The following REM2 variants were observed in gnomAD, a reference collection of about 807,000 sequenced individuals.
The protein encoded by REM2 is RRAD and GEM like GTPase 2, also known as GTP-binding protein REM 2.
A neutral mutation model predicts 24.4 loss-of-function variants in REM2; 24 were observed. That is an observed-to-expected ratio of 0.98 (90% CI 0.71 to 1.38). The LOEUF (loss-of-function observed/expected upper bound fraction) is 1.38, where lower values mean the gene tolerates loss of function less well. Ranked by LOEUF, REM2 falls within the 40% of genes most tolerant of loss-of-function variation. The pLI is 0.00. For synonymous variants in REM2, 187 were observed against 198.0 expected (o/e 0.94, Z 0.47); for missense variants, 429 against 467.8 (o/e 0.92, Z 0.77).
rs150780091 is a variant in REM2 at position 22,885,373 on chromosome 14, G to A, written c.519+34G>A. The A allele has an allele frequency of 8.7e-3, 13,418 of 1,549,108 alleles. 76 individuals are homozygous for A. The highest frequency in any genetic ancestry group is 0.021 in the Middle Eastern group (120 of 5,804). The stretch of plus-strand genomic sequence containing the variant: ...TAAGATGTGGCTGCAGGCAGGTGAT[G>A]AAGCTGGGAGAACTGGGGAAGGGCA... On this transcript the variant is annotated intron_variant, in intron 3 of 4. Coordinates refer to ENST00000267396, the MANE Select transcript of REM2 (RefSeq NM_173527.3).
In REM2 at chr14:22,887,039, C is replaced by A; in HGVS notation, c.*130C>A. 1.2e-6 allele frequency: 1 copy of A among 854,000 alleles called. No individual in the cohort carries two copies. Among genetic ancestry groups the A allele is most frequent in the Non-Finnish European group, 1.7e-6 (1 of 604,182 alleles). The allele number at this position is 854,000 out of a possible 1,614,324, so 52.9% of individuals were successfully genotyped here. ...TAGGAAACCAAAAACTCCCAGGATG[C>A]CCCGGTGTGACCGCCGGGGGCGGCC... On this transcript the variant is annotated 3_prime_UTR_variant, in exon 5 of 5. Transcript: ENST00000267396.
chr14:22,887,009 C>T lies in REM2; in HGVS notation c.*100C>T. 1 of 1,155,056 alleles carries T rather than the reference C, an allele frequency of 8.7e-7. No homozygotes were observed. The highest frequency in any genetic ancestry group is 2.0e-5 in the South Asian group (1 of 49,916). The allele number at this position is 1,155,056 out of a possible 1,614,324, so 71.6% of individuals were successfully genotyped here. A position where few individuals can be genotyped will look rare whatever the true frequency, so the allele number is the denominator to read the frequency against. On this transcript the variant is annotated 3_prime_UTR_variant, in exon 5 of 5. Transcript: ENST00000267396. ...CCCCGTCCGGCTTCCTTGGTGGAGG[C>T]CGTCTAGGAAACCAAAAACTCCCAG...
At position 22,887,088 on chromosome 14, in the gene REM2, A is replaced by C. The variant is rs1317407896; in HGVS notation, c.*179A>C. ...CCCGGGGCCGCTCGGCGGCACCTCC[A>C]CACCCGCCCCAACGCGTTCTCTGGA... is the stretch of plus-strand genomic sequence containing the variant. On this transcript the variant is annotated 3_prime_UTR_variant, in exon 5 of 5. Transcript: ENST00000267396. 6.4e-6 allele frequency: 3 copies of C among 468,522 alleles called. No individual in the cohort carries two copies. Among genetic ancestry groups the C allele is most frequent in the Non-Finnish European group, 7.3e-6 (2 of 274,454 alleles). 29.0% of individuals were successfully genotyped at this position (468,522 alleles called of 1,614,324 possible).
In REM2 at chr14:22,884,742, T is replaced by C; in HGVS notation, c.172T>C (p.Ser58Pro). Residue 58 changes from serine (S) to proline (P), a missense_variant, in exon 2 of 5, where the codon TCT (serine) becomes CCT (proline). Ser to Pro is a moderately conservative substitution (Grantham distance 74, BLOSUM62 -1). Coordinates refer to ENST00000267396, the MANE Select transcript of REM2 (RefSeq NM_173527.3). ...LAELDRSGLP[S>P]APGAPRRRGS... ...AGAGTTGGACCGGAGCGGGTTACCC[T>C]CTGCCCCTGGGGCCCCCAGACGAAG... is the stretch of plus-strand genomic sequence containing the variant. 1.2e-6 allele frequency: 2 copies of C among 1,614,046 alleles called. No homozygotes were observed. The highest frequency in any genetic ancestry group is 1.7e-6 in the Non-Finnish European group (2 of 1,179,888).
At position 22,887,086 on chromosome 14, in the gene REM2, C is replaced by G. The variant is rs1041323610; in HGVS notation, c.*177C>G. 18 of 469,944 alleles carry G rather than the reference C, an allele frequency of 3.8e-5. No individual in the cohort carries two copies. Among genetic ancestry groups the G allele is most frequent in the Non-Finnish European group, 6.2e-5 (17 of 275,246 alleles). The allele number at this position is 469,944 out of a possible 1,614,324, so 29.1% of individuals were successfully genotyped here. A position where few individuals can be genotyped will look rare whatever the true frequency, so the allele number is the denominator to read the frequency against. ...GGCCCGGGGCCGCTCGGCGGCACCT[C>G]CACACCCGCCCCAACGCGTTCTCTG... On this transcript the variant is annotated 3_prime_UTR_variant, in exon 5 of 5. Coordinates refer to ENST00000267396, the MANE Select transcript of REM2 (RefSeq NM_173527.3).
intron 1 of REM2, chr14:22,884,089 C>A (rs1255866424): frequency 1.0e-6 from 1 of 985,268 alleles, no homozygotes; most frequent in African/African-American, 1.7e-5. Context: ...CACACACACA[C>A]AGAGAACCCA....
intron 3 of REM2, 25 bp downstream of exon 3, chr14:22,885,364 G>T (rs569437394): frequency 6.1e-5 from 96 of 1,583,636 alleles, no homozygotes; most frequent in Non-Finnish European, 7.7e-5. Context: ...GTGGCTGCAG[G>T]CAGGTGATGA....
At position 22,886,547 on chromosome 14, in the gene REM2, C is replaced by T; in HGVS notation, c.728-67C>T. 3 of 1,401,108 alleles carry T rather than the reference C, an allele frequency of 2.1e-6. No individual in the cohort carries two copies. The highest frequency in any genetic ancestry group is 2.8e-6 in the Non-Finnish European group (3 of 1,063,496). The allele number at this position is 1,401,108 out of a possible 1,614,324, so 86.8% of individuals were successfully genotyped here. ...CTTGCCACCGCACGCCCAGGCCCTC[C>T]CTAGACCCACCCTCGCCCCGGGTCC... On this transcript the variant is annotated intron_variant, in intron 4 of 4. Coordinates refer to ENST00000267396, the MANE Select transcript of REM2 (RefSeq NM_173527.3). This position sits in a 1 kb window ranked among gnomAD's most constrained non-coding sequence, Gnocchi z 5.9.
rs545724197 is a variant in REM2, at chr14:22,886,323, G to A, written c.727+92G>A. 81 of 1,188,618 alleles carry A rather than the reference G, an allele frequency of 6.8e-5. No individual in the cohort carries two copies. The South Asian group carries it at 8.4e-4, about 12-fold the overall frequency. The allele number at this position is 1,188,618 out of a possible 1,614,324, so 73.6% of individuals were successfully genotyped here. On this transcript the variant is annotated intron_variant, in intron 4 of 4. Transcript: ENST00000267396. The surrounding 1 kb of genome is among the most constrained non-coding windows in gnomAD (Gnocchi z 5.9). Reference sequence around the variant, plus strand: ...TTCTCCCTAAGGCCTTTTTACCATCGCGGACGCACTCACTTGCAATCAGAC... The same window carrying A: ...TTCTCCCTAAGGCCTTTTTACCATCACGGACGCACTCACTTGCAATCAGAC...
In REM2 at chr14:22,883,268, GCACACGCACAC is replaced by G. The variant is rs2138801709; in HGVS notation, c.-19_-9del. On this transcript the variant is annotated 5_prime_UTR_variant, in exon 1 of 5. Transcript: ENST00000267396. ...GAGCTGCTGGGCTGCACACGCACAC[GCACACGCACAC>G]GCACACTGATGCACACGGACCTGGA... 2 of 1,294,324 alleles carry G rather than the reference GCACACGCACAC, an allele frequency of 1.5e-6. No homozygotes were observed. The highest frequency in any genetic ancestry group is 2.2e-6 in the Non-Finnish European group (2 of 916,640). 80.2% of individuals were successfully genotyped at this position (1,294,324 alleles called of 1,614,324 possible).
intron 1 of REM2, chr14:22,884,168 T>A: frequency 1.0e-6 from 1 of 985,214 alleles, no homozygotes; most frequent in South Asian, 4.7e-5. Context: ...CACTACAAAG[T>A]TTTTTACTCT....
Position 22,886,185 on chromosome 14 carries a change from T to A in REM2, c.681T>A (p.Val227=), listed in dbSNP as rs775579996. Residue 227 remains valine (V), a synonymous_variant, in exon 4 of 5, where the codon GTT becomes GTA. Transcript: ENST00000267396. This position sits in a 1 kb window ranked among gnomAD's most constrained non-coding sequence, Gnocchi z 5.9. ...ACCACGACCTACCCGTTATCCTCGT[T>A]GGAAACAAGAGCGACTTGGCCCGCT... ...RPHHDLPVIL[V]GNKSDLARSR... is the part of the protein sequence containing the mutation. The A allele has an allele frequency of 1.9e-6, 3 of 1,613,940 alleles. No individual in the cohort carries two copies. The East Asian group carries it at 6.7e-5, about 36-fold the overall frequency.
intron 1 of REM2, chr14:22,884,190 T>A: frequency 1.0e-6 from 1 of 985,312 alleles, no homozygotes; most frequent in Non-Finnish European, 1.2e-6. Flanking sequence ...CTATACCTAC[T>A]CCCCAGACAC....
At chr14:22,884,177 C>T in intron 1 of REM2, 1 of 985,370 alleles carries the variant, frequency 1.0e-6, no homozygotes, top group South Asian at 4.7e-5. Context: ...GTTTTTTACT[C>T]TGCTATACCT....
Position 22,886,111 on chromosome 14 carries a change from T to G in REM2, c.607T>G (p.Phe203Val). 6.2e-7 allele frequency: 1 copy of G among 1,613,900 alleles called. No individual in the cohort carries two copies. The highest frequency in any genetic ancestry group is 8.5e-7 in the Non-Finnish European group (1 of 1,179,876). ...IVFSVTDRRSFSKVPETLLRL... is the reference protein window; with the variant it reads ...IVFSVTDRRSVSKVPETLLRL... Reference sequence around the variant, plus strand: ...CTTCTCAGTCACCGACCGACGGAGTTTCTCCAAAGTTCCAGAGACCCTACT... The same window carrying G: ...CTTCTCAGTCACCGACCGACGGAGTGTCTCCAAAGTTCCAGAGACCCTACT... The change falls in exon 4 of 5, where the codon TTC (phenylalanine) becomes GTC (valine). Residue 203 changes from phenylalanine (F) to valine (V), a missense_variant. Phe to Val is a conservative substitution (Grantham distance 50, BLOSUM62 -1). Transcript: ENST00000267396. The surrounding 1 kb of genome is among the most constrained non-coding windows in gnomAD (Gnocchi z 5.9).
rs1566498862 is a variant in REM2, at chr14:22,884,758, C to A, written c.188C>A (p.Pro63His). ...RSGLPSAPGA[P>H]RRRGSMPVPY... ...GGGTTACCCTCTGCCCCTGGGGCCC[C>A]CAGACGAAGAGGCAGTATGCCTGTC... Residue 63 changes from proline to histidine, a missense_variant, in exon 2 of 5, where the codon CCC (proline) becomes CAC (histidine). Physicochemically the swap from Pro to His is moderately conservative, Grantham distance 77. Coordinates refer to ENST00000267396, the MANE Select transcript of REM2 (RefSeq NM_173527.3). 6.2e-7 allele frequency: 1 copy of A among 1,614,008 alleles called. No homozygotes were observed. The highest frequency in any genetic ancestry group is 2.2e-5 in the East Asian group (1 of 44,882).
rs2040130145 is a variant in REM2, at chr14:22,886,534, C to A, written c.728-80C>A. 8.5e-6 allele frequency: 11 copies of A among 1,301,248 alleles called. No homozygotes were observed. The South Asian group carries it at 1.4e-4, about 16-fold the overall frequency. 80.6% of individuals were successfully genotyped at this position (1,301,248 alleles called of 1,614,324 possible). A position where few individuals can be genotyped will look rare whatever the true frequency, so the allele number is the denominator to read the frequency against. ...CTAGTACCAATCCCTTGCCACCGCA[C>A]GCCCAGGCCCTCCCTAGACCCACCC... On this transcript the variant is annotated intron_variant, in intron 4 of 4. Transcript: ENST00000267396. The surrounding 1 kb of genome is among the most constrained non-coding windows in gnomAD (Gnocchi z 5.9).
At chr14:22,883,763 TCTGGCTGCTGGAGGCC>T (rs2040091839) in intron 1 of REM2, among the ~76,000 whole-genome samples, 1 of 152,104 alleles carries the variant, frequency 6.6e-6, no homozygotes, top group Non-Finnish European at 1.5e-5. Flanking sequence ...TAAGGGTTCT[TCTGGCTGCTGGAGGCC>T]CTGGCTGCTG....
chr14:22,885,073 A>C lies in REM2; in HGVS notation c.445+58A>C, dbSNP rs1231513645. On this transcript the variant is annotated intron_variant, in intron 2 of 4. Coordinates refer to ENST00000267396, the MANE Select transcript of REM2 (RefSeq NM_173527.3). The stretch of plus-strand genomic sequence containing the variant: ...GCTCTGGGGCCCTGGTCAGGGAAGG[A>C]AGTGCTCGTGACCTGAGCAGCCCCT... 4.0e-6 allele frequency: 6 copies of C among 1,495,032 alleles called. 1 individual carries two copies. The East Asian group carries it at 6.9e-5, about 17-fold the overall frequency. The allele number at this position is 1,495,032 out of a possible 1,614,324, so 92.6% of individuals were successfully genotyped here.
Sources: allele counts gnomAD v4.1 joint callset (sites outside exome capture counted in the v4.1 genomes callset), GRCh38; gene constraint gnomAD v4.1.1; non-coding constraint Gnocchi (gnomAD v3.1); transcripts MANE v1.5; gene names NCBI Gene and HGNC (gene_info 2026-07-23, HGNC 2026-07-21).